The following ATP8A2 variants were observed in gnomAD, a reference collection of about 807,000 sequenced individuals.
ATP8A2 encodes ATPase phospholipid transporting 8A2, also known as phospholipid-transporting ATPase IB.
A neutral mutation model predicts 165.6 loss-of-function variants in ATP8A2; 100 were observed. The ratio of observed to expected loss-of-function variants is 0.60; its 90% CI spans 0.51 to 0.71. ATP8A2 has a LOEUF of 0.71. Ranked by LOEUF, ATP8A2 falls within the 30% of genes least tolerant of loss-of-function variation. The pLI is 0.00. For missense variants in ATP8A2, 1,227 were observed against 1,479.5 expected (o/e 0.83, Z 2.80); for synonymous variants, 543 against 548.8 (o/e 0.99, Z 0.15).
chr13:25,413,757 T>C (rs531522502), intron 1 of ATP8A2, among the ~76,000 whole-genome samples: 77 of 152,102 alleles, frequency 5.1e-4, no homozygotes, highest in Non-Finnish European at 9.9e-4. Context: ...AGGACAAAGG[T>C]CTTCTTCCCT....
chr13:25,381,226 C>T (rs1435362684), intron 1 of ATP8A2, among the ~76,000 whole-genome samples: 1 of 152,140 alleles, frequency 6.6e-6, no homozygotes, highest in Non-Finnish European at 1.5e-5. Context: ...TTCTTGAAGA[C>T]CAGTGGGCGT....
intron 30 of ATP8A2, among the ~76,000 whole-genome samples, chr13:25,846,751 T>TG (rs1951875219): frequency 6.6e-6 from 1 of 152,190 alleles, no homozygotes; most frequent in African/African-American, 2.4e-5. Context: ...CCTGGGCTGT[T>TG]GCTGATCTAA....
intron 25 of ATP8A2, chr13:25,705,258 T>G (rs2043032788): frequency 2.9e-6 from 1 of 346,660 alleles, no homozygotes; most frequent in Non-Finnish European, 5.6e-6. Context: ...ATCTTTAAAG[T>G]GACTGTCTCG....
intron 30 of ATP8A2, among the ~76,000 whole-genome samples, chr13:25,845,483 C>T (rs1018563401): frequency 4.6e-5 from 7 of 152,108 alleles, no homozygotes; most frequent in African/African-American, 1.4e-4. Flanking sequence ...GAGTCCACAC[C>T]GTAGAAACTG....
At chr13:25,687,095 G>A (rs530703509) in intron 24 of ATP8A2, among the ~76,000 whole-genome samples, 1 of 152,278 alleles carries the variant, frequency 6.6e-6, no homozygotes, top group South Asian at 2.1e-4. Context: ...GAAGGGAGTC[G>A]TGGAGCAGAG....
At chr13:25,852,888 G>A (rs180709927) in intron 30 of ATP8A2, among the ~76,000 whole-genome samples, 1 of 150,952 alleles carries the variant, frequency 6.6e-6, no homozygotes, top group Admixed American at 6.6e-5. Context: ...TGGGCAACAA[G>A]AGAGAAACTC....
At chr13:25,829,087 C>G (rs527879953) in intron 28 of ATP8A2, among the ~76,000 whole-genome samples, 6 of 152,324 alleles carry the variant, frequency 3.9e-5, no homozygotes, top group African/African-American at 1.4e-4. Context: ...CTTTCACCCC[C>G]CTTTATTGAA....
At chr13:25,815,471 A>G (rs1950989539) in intron 27 of ATP8A2, among the ~76,000 whole-genome samples, 1 of 152,226 alleles carries the variant, frequency 6.6e-6, no homozygotes, top group Admixed American at 6.5e-5. Flanking sequence ...AGGAAATGTA[A>G]TTCAAAGCTA....
chr13:25,872,599 G>A (rs888584042), intron 33 of ATP8A2, among the ~76,000 whole-genome samples: 1 of 152,134 alleles, frequency 6.6e-6, no homozygotes, highest in Non-Finnish European at 1.5e-5. Flanking sequence ...AGACAGCGTT[G>A]GGTAGAAGCG....
chr13:25,616,832 G>T (rs61947474), intron 24 of ATP8A2, among the ~76,000 whole-genome samples: 5,813 of 152,206 alleles, frequency 0.038, 134 homozygotes, highest in Non-Finnish European at 0.052. Flanking sequence ...AGGTCACAGG[G>T]TACAAAGTGT....
At position 25,528,825 on chromosome 13, in the gene ATP8A2, CA is replaced by C. The variant is rs548240537; in HGVS notation, c.222-1173del. Reference sequence around the variant, plus strand: ...CACATATGCAACATGTGTATGCACACATATGCAACATGTGTATGCACACATA... The same window carrying C: ...CACATATGCAACATGTGTATGCACACTATGCAACATGTGTATGCACACATA... On this transcript the variant is annotated intron_variant, in intron 2 of 36. Coordinates refer to ENST00000381655, the MANE Select transcript of ATP8A2 (RefSeq NM_016529.6). Among the ~76,000 whole-genome samples, 142 of 76,402 alleles carry C rather than the reference CA, an allele frequency of 1.9e-3. 7 individuals are homozygous for C. The highest frequency in any genetic ancestry group is 8.9e-3 in the Middle Eastern group (1 of 112). 50.1% of individuals were successfully genotyped at this position (76,402 alleles called of 152,430 possible).
In ATP8A2 at chr13:25,684,494, G is replaced by A. The variant is rs148777630; in HGVS notation, c.2212-14679G>A. Among the ~76,000 whole-genome samples, 436 of 152,268 alleles carry A rather than the reference G, an allele frequency of 2.9e-3. 4 individuals carry two copies. The highest frequency in any genetic ancestry group is 0.01 in the African/African-American group (420 of 41,548). ...TCCATGGAAAGACCATATCGAGTTC[G>A]TCCACTGTTGTGAATGAAAATAATC... On this transcript the variant is annotated intron_variant, in intron 24 of 36. Transcript: ENST00000381655.
At chr13:25,990,175 C>T (rs896383356) in intron 35 of ATP8A2, among the ~76,000 whole-genome samples, 1 of 151,012 alleles carries the variant, frequency 6.6e-6, no homozygotes. Context: ...ACTCTTTCAT[C>T]GCTTCACTTC....
At chr13:25,516,436 T>A (rs1345165904) in intron 2 of ATP8A2, among the ~76,000 whole-genome samples, 1 of 152,202 alleles carries the variant, frequency 6.6e-6, no homozygotes, top group East Asian at 1.9e-4. Context: ...TAGTAGGGAT[T>A]ATTTCCCTCT....
intron 24 of ATP8A2, among the ~76,000 whole-genome samples, chr13:25,638,691 T>C (rs2041434805): frequency 6.6e-6 from 1 of 152,156 alleles, no homozygotes; most frequent in African/African-American, 2.4e-5. Flanking sequence ...TGCAGGATGT[T>C]ATCCTGGAGA....
chr13:25,964,950 A>T (rs1955745473), intron 34 of ATP8A2, among the ~76,000 whole-genome samples: 1 of 152,230 alleles, frequency 6.6e-6, no homozygotes. Context: ...ATCTGGGGTC[A>T]GGAGTTCAAG....
At chr13:25,378,351 G>T in intron 1 of ATP8A2, among the ~76,000 whole-genome samples, 1 of 112,860 alleles carries the variant, frequency 8.9e-6, no homozygotes, top group South Asian at 2.8e-4. Flanking sequence ...CCAGAGTTTT[G>T]CATTTTTTTT....
rs910167293 is a variant in ATP8A2 at position 25,953,717 on chromosome 13, G to A, written c.3184-7858G>A. 6.6e-6 allele frequency among the ~76,000 whole-genome samples: 1 copy of A among 152,038 alleles called. No individual in the cohort carries two copies. The highest frequency in any genetic ancestry group is 1.5e-5 in the Non-Finnish European group (1 of 68,006). ...CCCACGGAGGGCAAGCCGAAGCAGG[G>A]TGGGGCGTTGCCTCACCCGGGAAGC... On this transcript the variant is annotated intron_variant, in intron 33 of 36. Coordinates refer to ENST00000381655, the MANE Select transcript of ATP8A2 (RefSeq NM_016529.6). This position sits in a 1 kb window ranked among gnomAD's most constrained non-coding sequence, Gnocchi z 6.7.
At chr13:25,938,835 C>A (rs911116961) in intron 33 of ATP8A2, among the ~76,000 whole-genome samples, 6 of 151,560 alleles carry the variant, frequency 4.0e-5, no homozygotes, top group African/African-American at 1.5e-4. Context: ...TTCCATCATC[C>A]CTTCTCCTTT....
Sources: allele counts gnomAD v4.1 joint callset (sites outside exome capture counted in the v4.1 genomes callset), GRCh38; gene constraint gnomAD v4.1.1; non-coding constraint Gnocchi (gnomAD v3.1); transcripts MANE v1.5; gene names NCBI Gene and HGNC (gene_info 2026-07-23, HGNC 2026-07-21).